Variants in FAF1 observed in about 807,000 individuals in gnomAD.
FAF1 encodes the protein FAS-associated factor 1.
In FAF1, 25 loss-of-function variants were observed where a neutral mutation model predicts 92.5. That is an observed-to-expected ratio of 0.27 (90% CI 0.20 to 0.38). The LOEUF (loss-of-function observed/expected upper bound fraction) is 0.38, where lower values mean the gene tolerates loss of function less well. FAF1 is among the 10% of genes least tolerant of loss of function. The pLI is 1.00. For missense variants in FAF1, 636 were observed against 793.3 expected, an observed-to-expected ratio of 0.80 and a Z score of 2.38; for synonymous variants, 234 against 273.2, an observed-to-expected ratio of 0.86 and a Z score of 1.42.
intron 6 of FAF1, among the ~76,000 whole-genome samples, chr1:50,735,152 A>G (rs1659088540): frequency 6.6e-6 from 1 of 152,238 alleles, no homozygotes; most frequent in Admixed American, 6.5e-5. Context: ...GTTTTTATTA[A>G]GTAATCAATA....
intron 13 of FAF1, among the ~76,000 whole-genome samples, chr1:50,552,459 C>G (rs909312096): frequency 1.3e-5 from 2 of 151,976 alleles, no homozygotes; most frequent in Non-Finnish European, 2.9e-5. Flanking sequence ...CTTATAACAT[C>G]AACAAATAAT....
At chr1:50,695,172 T>C (rs1657135793) in intron 7 of FAF1, among the ~76,000 whole-genome samples, 1 of 151,430 alleles carries the variant, frequency 6.6e-6, no homozygotes, top group Non-Finnish European at 1.5e-5. Flanking sequence ...CTTTGGGAGG[T>C]TGAGGCAGGT....
intron 7 of FAF1, among the ~76,000 whole-genome samples, chr1:50,682,117 G>A (rs1656453857): frequency 6.6e-6 from 1 of 152,008 alleles, no homozygotes; most frequent in African/African-American, 2.4e-5. Context: ...TTACAGGTGT[G>A]AGTCACCACA....
At chr1:50,879,204 C>T (rs750792254) in intron 1 of FAF1, among the ~76,000 whole-genome samples, 5 of 152,236 alleles carry the variant, frequency 3.3e-5, no homozygotes, top group African/African-American at 1.2e-4. Context: ...AAGATTGCGC[C>T]ACTGCACTCC....
At position 50,535,355 on chromosome 1, in the gene FAF1, C is replaced by T; in HGVS notation, c.1494+14G>A. Reference sequence around the variant, plus strand: ...ATCTCATCAAAATCCTATTAAAGATCTGCATAACCTTACCTCGTCCTTTAT... The same window carrying T: ...ATCTCATCAAAATCCTATTAAAGATTTGCATAACCTTACCTCGTCCTTTAT... On this transcript the variant is annotated intron_variant, in intron 15 of 18. Transcript: ENST00000396153. 6.5e-7 allele frequency: 1 copy of T among 1,549,200 alleles called. No homozygotes were observed. The highest frequency in any genetic ancestry group is 8.9e-7 in the Non-Finnish European group (1 of 1,123,492).
At chr1:50,680,215 CACTT>C (rs1352156637) in intron 7 of FAF1, among the ~76,000 whole-genome samples, 1 of 152,098 alleles carries the variant, frequency 6.6e-6, no homozygotes, top group African/African-American at 2.4e-5. Flanking sequence ...CTGTTATTGA[CACTT>C]AGTTTTATCA....
At chr1:50,845,585 C>T (rs1163378859) in intron 2 of FAF1, among the ~76,000 whole-genome samples, 3 of 152,118 alleles carry the variant, frequency 2.0e-5, no homozygotes, top group Non-Finnish European at 4.4e-5. Context: ...TGCTGATTTG[C>T]TCCCCCACCT....
chr1:50,542,744 G>GTTTTT (rs1648818520), intron 13 of FAF1, among the ~76,000 whole-genome samples: 1 of 152,136 alleles, frequency 6.6e-6, no homozygotes, highest in Non-Finnish European at 1.5e-5. Context: ...TACAATTTCT[G>GTTTTT]AATAAATTGA....
intron 8 of FAF1, among the ~76,000 whole-genome samples, chr1:50,624,426 C>A (rs1184906430): frequency 1.3e-5 from 2 of 152,114 alleles, no homozygotes; most frequent in African/African-American, 2.4e-5. Context: ...GGATTACATG[C>A]GTGAGCCACC....
intron 15 of FAF1, among the ~76,000 whole-genome samples, chr1:50,526,816 G>T (rs1647831087): frequency 6.6e-6 from 1 of 151,616 alleles, no homozygotes; most frequent in African/African-American, 2.4e-5. Context: ...TGAGGGTTCA[G>T]ATGTCTCCAC....
chr1:50,853,758 G>A (rs1254981730), intron 2 of FAF1, among the ~76,000 whole-genome samples: 4 of 151,988 alleles, frequency 2.6e-5, no homozygotes, highest in African/African-American at 9.7e-5. Context: ...GAGACCGTGT[G>A]TAAAATAAGT....
intron 6 of FAF1, among the ~76,000 whole-genome samples, chr1:50,714,125 T>C (rs1207611675): frequency 2.0e-5 from 3 of 152,010 alleles, no homozygotes; most frequent in Non-Finnish European, 4.4e-5. Flanking sequence ...CAAGAAATGG[T>C]TTTGACAGAC....
At chr1:50,875,652 C>T (rs1013836937) in intron 1 of FAF1, among the ~76,000 whole-genome samples, 2 of 152,056 alleles carry the variant, frequency 1.3e-5, no homozygotes, top group East Asian at 3.8e-4. Flanking sequence ...GGGATTTCAC[C>T]ATGTTGGTCA....
At chr1:50,775,583 T>C (rs1660926792) in intron 4 of FAF1, among the ~76,000 whole-genome samples, 2 of 151,760 alleles carry the variant, frequency 1.3e-5, no homozygotes, top group Non-Finnish European at 2.9e-5. Context: ...TCAAACAGAA[T>C]AGAGGAAATA....
intron 12 of FAF1, among the ~76,000 whole-genome samples, chr1:50,569,091 T>A (rs1282215183): frequency 6.6e-6 from 1 of 152,184 alleles, no homozygotes; most frequent in Non-Finnish European, 1.5e-5. Flanking sequence ...AGTATCAGCC[T>A]TCTAGGAAGT....
chr1:50,521,845 G>A (rs759955393), intron 15 of FAF1, among the ~76,000 whole-genome samples: 12 of 152,208 alleles, frequency 7.9e-5, no homozygotes, highest in Non-Finnish European at 1.3e-4. Context: ...CCACGAAGAA[G>A]TCTTCACCTC....
intron 12 of FAF1, among the ~76,000 whole-genome samples, chr1:50,569,408 CAAA>C (rs1036090267): frequency 2.0e-5 from 3 of 151,946 alleles, no homozygotes; most frequent in Non-Finnish European, 2.9e-5. Context: ...AGCCCCTTGG[CAAA>C]AAAGATACCC....
chr1:50,719,223 C>G (rs1194775987), intron 6 of FAF1, among the ~76,000 whole-genome samples: 3 of 152,174 alleles, frequency 2.0e-5, no homozygotes, highest in Non-Finnish European at 2.9e-5. Context: ...CTAGGTTTTG[C>G]TCCTGTCCAG....
At chr1:50,870,012 C>T (rs1644514600) in intron 1 of FAF1, among the ~76,000 whole-genome samples, 1 of 152,170 alleles carries the variant, frequency 6.6e-6, no homozygotes, top group Non-Finnish European at 1.5e-5. Context: ...TAAAGTGTTT[C>T]CTGTACATGC....
Sources: gnomAD v4.1 joint callset for allele counts (sites outside exome capture counted in the v4.1 genomes callset) on GRCh38, gnomAD v4.1.1 for gene constraint, MANE v1.5 for transcripts, NCBI Gene and HGNC (gene_info 2026-07-23, HGNC 2026-07-21) for gene names.